The following NETO1 variants were observed in gnomAD, a reference collection of about 807,000 sequenced individuals.
NETO1 encodes the protein neuropilin and tolloid like 1.
A neutral mutation model predicts 61.3 loss-of-function variants in NETO1; 26 were observed. The observed-to-expected ratio is 0.42, with a 90% CI of 0.31 to 0.59. The LOEUF is 0.59. NETO1 is among the 20% of genes least tolerant of loss of function. The pLI, the probability that NETO1 is intolerant of heterozygous loss-of-function variation, is 0.12. For missense variants in NETO1, 531 were observed against 662.8 expected (o/e 0.80, Z 2.18); for synonymous variants, 225 against 225.8 (o/e 1.00, Z 0.03).
chr18:72,841,851 T>A (rs2073944952), intron 4 of NETO1, among the ~76,000 whole-genome samples: 1 of 152,146 alleles, frequency 6.6e-6, no homozygotes, highest in Non-Finnish European at 1.5e-5. Context: ...CTGCTGTGTT[T>A]GTTTTACTGT....
chr18:72,837,289 A>G (rs1467482983), intron 4 of NETO1, among the ~76,000 whole-genome samples: 1 of 152,218 alleles, frequency 6.6e-6, no homozygotes, highest in Admixed American at 6.5e-5. Context: ...TTCCTGGTAC[A>G]TAGCTCTGAA....
At chr18:72,776,317 T>C (rs1479591135) in intron 7 of NETO1, among the ~76,000 whole-genome samples, 1 of 152,148 alleles carries the variant, frequency 6.6e-6, no homozygotes, top group Non-Finnish European at 1.5e-5. Flanking sequence ...CAGAACAACA[T>C]CAAGCCGTTA....
chr18:72,812,707 A>G (rs115100671), intron 4 of NETO1, among the ~76,000 whole-genome samples: 62 of 152,282 alleles, frequency 4.1e-4, no homozygotes, highest in African/African-American at 1.5e-3. Flanking sequence ...TCTCTCTAGA[A>G]TGTACCTCTG....
At chr18:72,865,337 A>C in intron 1 of NETO1, 96 bp from the exon 2 acceptor site, 2 of 1,240,948 alleles carry the variant, frequency 1.6e-6, no homozygotes, top group Non-Finnish European at 2.3e-6. Context: ...ATATCAAAGC[A>C]GATTAATTTT....
In NETO1 at chr18:72,744,966, G is replaced by C. The variant is rs147354493; in HGVS notation, c.*3213C>G. ...AGAAAAAAATGATACAGAAGCTTAA[G>C]TGAATATTAAAGTAATGCCAACCGT... On this transcript the variant is annotated 3_prime_UTR_variant, in exon 11 of 11. Coordinates refer to ENST00000327305, the MANE Select transcript of NETO1 (RefSeq NM_138966.5). 2.6e-5 allele frequency: 4 copies of C among 152,138 alleles called. No homozygotes were observed. The highest frequency in any genetic ancestry group is 9.7e-5 in the African/African-American group (4 of 41,434). 9.4% of individuals were successfully genotyped at this position (152,138 alleles called of 1,614,324 possible).
intron 4 of NETO1, among the ~76,000 whole-genome samples, chr18:72,808,728 A>G (rs2072765195): frequency 6.6e-6 from 1 of 152,228 alleles, no homozygotes; most frequent in Non-Finnish European, 1.5e-5. Context: ...TTGTGCTCCC[A>G]GTGAATTTGA....
intron 3 of NETO1, among the ~76,000 whole-genome samples, chr18:72,863,044 C>A (rs899765373): frequency 6.6e-6 from 1 of 152,096 alleles, no homozygotes; most frequent in East Asian, 1.9e-4. Flanking sequence ...ATGTTCTTTT[C>A]CTTCAGTTGC....
intron 4 of NETO1, among the ~76,000 whole-genome samples, chr18:72,817,585 A>G (rs1340940592): frequency 6.6e-6 from 1 of 152,278 alleles, no homozygotes; most frequent in Non-Finnish European, 1.5e-5. Context: ...ATATGGAGAC[A>G]GAAACCGCCC....
At chr18:72,755,116 C>T (rs868294356) in intron 8 of NETO1, among the ~76,000 whole-genome samples, 1 of 152,156 alleles carries the variant, frequency 6.6e-6, no homozygotes. Context: ...ACACATGGGA[C>T]CACGTTTATA....
intron 4 of NETO1, among the ~76,000 whole-genome samples, chr18:72,855,643 G>C (rs1408631236): frequency 6.6e-6 from 1 of 152,158 alleles, no homozygotes; most frequent in Non-Finnish European, 1.5e-5. Flanking sequence ...GCTTGGGACT[G>C]AAAGGCTATT....
intron 4 of NETO1, among the ~76,000 whole-genome samples, chr18:72,819,541 A>G (rs1171136072): frequency 6.6e-6 from 1 of 152,204 alleles, no homozygotes; most frequent in Admixed American, 6.5e-5. Flanking sequence ...GCATTTAATT[A>G]ATTCTAATAA....
chr18:72,836,747 G>C (rs934392007), intron 4 of NETO1, among the ~76,000 whole-genome samples: 7 of 152,156 alleles, frequency 4.6e-5, no homozygotes, highest in Non-Finnish European at 1.0e-4. Context: ...GATTGTCATG[G>C]TAAGAAACGG....
intron 4 of NETO1, among the ~76,000 whole-genome samples, chr18:72,856,603 T>G (rs577441391): frequency 9.2e-5 from 14 of 152,302 alleles, no homozygotes; most frequent in Non-Finnish European, 1.8e-4. Context: ...TATTGAGAGA[T>G]AGAATATAAA....
intron 4 of NETO1, among the ~76,000 whole-genome samples, chr18:72,800,757 A>G (rs2072478701): frequency 6.6e-6 from 1 of 152,136 alleles, no homozygotes; most frequent in Admixed American, 6.6e-5. Context: ...AGGACCTAGA[A>G]CAGTGCTTGG....
At chr18:72,751,058 C>A (rs1258886661) in intron 8 of NETO1, among the ~76,000 whole-genome samples, 1 of 151,570 alleles carries the variant, frequency 6.6e-6, no homozygotes, top group Non-Finnish European at 1.5e-5. Context: ...AATACACACA[C>A]ACACACACAC....
At chr18:72,765,420 C>T (rs114594081) in intron 7 of NETO1, among the ~76,000 whole-genome samples, 32 of 147,346 alleles carry the variant, frequency 2.2e-4, no homozygotes, top group African/African-American at 6.9e-4. Flanking sequence ...AATAAAAATT[C>T]TTTTTTTTTT....
rs150607259 is a variant in NETO1, at chr18:72,766,259, G to C, written c.869-10112C>G. 1.7e-3 allele frequency among the ~76,000 whole-genome samples: 227 copies of C among 136,736 alleles called. 1 individual carries two copies. Among genetic ancestry groups the C allele is most frequent in the Middle Eastern group, 7.9e-3 (2 of 252 alleles). 89.7% of individuals were successfully genotyped at this position (136,736 alleles called of 152,430 possible). The stretch of plus-strand genomic sequence containing the variant: ...GTGTGTGTGTGTGTGTGTGTGTGTA[G>C]CTTGCTACTATCATTTTTAATTGTG... On this transcript the variant is annotated intron_variant, in intron 7 of 10. Coordinates refer to ENST00000327305, the MANE Select transcript of NETO1 (RefSeq NM_138966.5).
chr18:72,743,670 TG>T (rs1160592317), downstream of NETO1: 32 of 152,310 alleles, frequency 2.1e-4, no homozygotes, highest in Admixed American at 2.0e-3. Context: ...GGAAGGAGCT[TG>T]GTAGACAGAC....
rs369047673 is a variant in NETO1 at position 72,864,804 on chromosome 18, T to C, written c.220+4A>G. 6.2e-7 allele frequency: 1 copy of C among 1,613,728 alleles called. No individual in the cohort carries two copies. The highest frequency in any genetic ancestry group is 8.5e-7 in the Non-Finnish European group (1 of 1,179,906). Reference sequence around the variant, plus strand: ...TTCTTAACTCTGGCACTGTCTCCCCTTACCTTCTATGATGTAGATGCATTC... The same window carrying C: ...TTCTTAACTCTGGCACTGTCTCCCCCTACCTTCTATGATGTAGATGCATTC... On this transcript the variant is annotated splice_donor_region_variant and intron_variant, in intron 3 of 10. Coordinates refer to ENST00000327305, the MANE Select transcript of NETO1 (RefSeq NM_138966.5).
Sources: gnomAD v4.1 joint callset for allele counts (sites outside exome capture counted in the v4.1 genomes callset) on GRCh38, gnomAD v4.1.1 for gene constraint, MANE v1.5 for transcripts, NCBI Gene and HGNC (gene_info 2026-07-23, HGNC 2026-07-21) for gene names.